Variants in CCDC158 observed in about 807,000 individuals in gnomAD.
CCDC158 encodes the protein coiled-coil domain containing 158.
Under a neutral mutation model 138.6 loss-of-function variants are expected in CCDC158, and 116 were observed. The ratio of observed to expected loss-of-function variants is 0.84; its 90% CI spans 0.72 to 0.98. CCDC158 has a LOEUF of 0.98. Among genes scored for constraint, CCDC158 ranks in the 50% least tolerant of loss-of-function variants. The probability of loss-of-function intolerance (pLI) is 0.00; values close to 1 mark genes in which losing one functional copy is unlikely to be tolerated. For synonymous variants in CCDC158, 436 were observed against 442.4 expected, an observed-to-expected ratio of 0.99 and a Z score of 0.18; for missense variants, 1,265 against 1,306.1, an observed-to-expected ratio of 0.97 and a Z score of 0.48.
chr4:76,360,654 G>A (rs1446388268), intron 13 of CCDC158, among the ~76,000 whole-genome samples: 23 of 152,220 alleles, frequency 1.5e-4, no homozygotes, highest in Non-Finnish European at 1.0e-4. Context: ...CATGGGCCCT[G>A]TAGCCTCTTT....
intron 9 of CCDC158, chr4:76,375,289 T>C: frequency 2.7e-6 from 1 of 369,304 alleles, no homozygotes; most frequent in Non-Finnish European, 4.8e-6. Context: ...TATTGGGATT[T>C]CATTCTAATC....
At chr4:76,345,501 C>A (rs1722461513) in intron 18 of CCDC158, 1 of 927,290 alleles carries the variant, frequency 1.1e-6, no homozygotes. Context: ...TAGAAAGATT[C>A]TCATTGAAAT....
At chr4:76,378,977 G>A (rs969277106) in intron 9 of CCDC158, among the ~76,000 whole-genome samples, 9 of 152,102 alleles carry the variant, frequency 5.9e-5, no homozygotes, top group African/African-American at 1.7e-4. Flanking sequence ...GGGGGATCTG[G>A]CTGGTATGGA....
At chr4:76,317,468 C>G (rs1719513447) in intron 24 of CCDC158, among the ~76,000 whole-genome samples, 1 of 152,018 alleles carries the variant, frequency 6.6e-6, no homozygotes, top group South Asian at 2.1e-4. Context: ...CACTGGAGCT[C>G]CCAAATTTAT....
intron 2 of CCDC158, among the ~76,000 whole-genome samples, chr4:76,408,054 T>TTTTTAA (rs1358835818): frequency 2.0e-5 from 3 of 151,748 alleles, no homozygotes; most frequent in Non-Finnish European, 4.4e-5. Flanking sequence ...AAGAGTTGTT[T>TTTTTAA]TTTTAAATTT....
chr4:76,328,646 A>G (rs1720741964), intron 22 of CCDC158, among the ~76,000 whole-genome samples: 2 of 152,206 alleles, frequency 1.3e-5, no homozygotes, highest in African/African-American at 4.8e-5. Context: ...CACCTGGGCA[A>G]AGGCTTTAAA....
intron 14 of CCDC158, among the ~76,000 whole-genome samples, chr4:76,355,661 T>A (rs545186370): frequency 1.3e-5 from 2 of 152,138 alleles, no homozygotes; most frequent in Non-Finnish European, 2.9e-5. Flanking sequence ...ATACATATAA[T>A]CATGTTTTGT....
chr4:76,324,698 A>T (rs529690408), intron 23 of CCDC158, among the ~76,000 whole-genome samples: 11 of 152,252 alleles, frequency 7.2e-5, no homozygotes, highest in African/African-American at 2.6e-4. Context: ...TAATCTGCCA[A>T]GTTGACTTCT....
chr4:76,320,558 T>C (rs537684560), intron 24 of CCDC158, among the ~76,000 whole-genome samples: 139 of 152,264 alleles, frequency 9.1e-4, no homozygotes, highest in African/African-American at 3.3e-3. Flanking sequence ...AAGGCTATCA[T>C]CACCAAAACA....
chr4:76,336,027 A>G (rs1223790560), intron 18 of CCDC158, among the ~76,000 whole-genome samples: 2 of 151,426 alleles, frequency 1.3e-5, no homozygotes. Flanking sequence ...TAAAAATACA[A>G]AAAAATTAGC....
chr4:76,343,322 T>A (rs917886893), intron 18 of CCDC158, among the ~76,000 whole-genome samples: 1 of 152,148 alleles, frequency 6.6e-6, no homozygotes, highest in Non-Finnish European at 1.5e-5. Flanking sequence ...CATCTACCAG[T>A]TGAAAAGCCC....
At chr4:76,336,063 T>C (rs894801300) in intron 18 of CCDC158, among the ~76,000 whole-genome samples, 4 of 151,070 alleles carry the variant, frequency 2.6e-5, no homozygotes, top group Non-Finnish European at 4.4e-5. Context: ...GCACCTGTAG[T>C]CCCAGCTACT....
rs1729345452 is a variant in CCDC158, at chr4:76,412,183, C to T, written c.-116-51G>A. 3 of 152,148 alleles carry T rather than the reference C, an allele frequency of 2.0e-5. No individual in the cohort carries two copies. In the South Asian group the frequency reaches 6.2e-4, roughly 31 times the overall value. 9.4% of individuals were successfully genotyped at this position (152,148 alleles called of 1,614,324 possible). On this transcript the variant is annotated intron_variant, in intron 1 of 24. Coordinates refer to ENST00000682701, the MANE Select transcript of CCDC158 (RefSeq NM_001394954.1). ...TGTTCATTTATATATATTTCATTAACTGAAATTTATTATTTCAAAAGTTCA... is the reference window on the plus strand; with the variant it reads ...TGTTCATTTATATATATTTCATTAATTGAAATTTATTATTTCAAAAGTTCA...
intron 3 of CCDC158, among the ~76,000 whole-genome samples, chr4:76,396,783 T>G (rs1727858173): frequency 6.6e-6 from 1 of 152,048 alleles, no homozygotes; most frequent in Non-Finnish European, 1.5e-5. Context: ...GCTGCCCACC[T>G]CGGCCTCCCA....
intron 18 of CCDC158, among the ~76,000 whole-genome samples, chr4:76,339,320 T>TA (rs1721834452): frequency 6.6e-6 from 1 of 152,180 alleles, no homozygotes; most frequent in African/African-American, 2.4e-5. Flanking sequence ...TGCCTGCTGC[T>TA]ACATACATTT....
intron 18 of CCDC158, among the ~76,000 whole-genome samples, chr4:76,346,385 T>C (rs1206878495): frequency 5.9e-5 from 9 of 152,086 alleles, no homozygotes; most frequent in South Asian, 2.1e-4. Context: ...AATTGACAAA[T>C]GGGATCTAAT....
chr4:76,345,844 C>T (rs1256952619), intron 18 of CCDC158, among the ~76,000 whole-genome samples: 2 of 152,028 alleles, frequency 1.3e-5, no homozygotes, highest in Non-Finnish European at 2.9e-5. Context: ...CAATGATATC[C>T]CCATCAAGCT....
In CCDC158 at chr4:76,313,176, T is replaced by C; in HGVS notation, c.3348A>G (p.Leu1116=). 1.3e-6 allele frequency: 2 copies of C among 1,599,424 alleles called. No individual in the cohort carries two copies. Among genetic ancestry groups the C allele is most frequent in the Non-Finnish European group, 1.7e-6 (2 of 1,170,474 alleles). Residue 1116 remains leucine (L), a synonymous_variant, in exon 25 of 25, where the codon CTA becomes CTG. Transcript: ENST00000682701. ...AGAATAGGCAAGCAACGAGTCATTT[T>C]AGTAACATTTTTTCCTGGTCTTTTA... ...QKVKDQEKML[L]K is the part of the protein sequence containing the mutation.
intron 18 of CCDC158, 25 bp from the exon 19 acceptor site, chr4:76,334,192 C>A: frequency 6.7e-7 from 1 of 1,501,796 alleles, no homozygotes; most frequent in Non-Finnish European, 9.0e-7. Context: ...TTTACAAAGA[C>A]ACTTATTTTT....
Sources: gnomAD v4.1 joint callset for allele counts (sites outside exome capture counted in the v4.1 genomes callset) on GRCh38, gnomAD v4.1.1 for gene constraint, MANE v1.5 for transcripts, NCBI Gene and HGNC (gene_info 2026-07-23, HGNC 2026-07-21) for gene names.